MS4A1: variants seen among roughly 807,000 people sequenced by gnomAD.
MS4A1 encodes B-lymphocyte antigen CD20.
Under a neutral mutation model 26.5 loss-of-function variants are expected in MS4A1, and 16 were observed. That is an observed-to-expected ratio of 0.60 (90% CI 0.41 to 0.92). MS4A1 has a LOEUF of 0.92. Ranked by LOEUF, MS4A1 falls within the 40% of genes least tolerant of loss-of-function variation. The pLI is 0.00. For synonymous variants in MS4A1, 128 were observed against 117.6 expected, an observed-to-expected ratio of 1.09 and a Z score of -0.57; for missense variants, 350 against 353.0, an observed-to-expected ratio of 0.99 and a Z score of 0.07.
chr11:60,465,792 G>C (rs763092430), intron 5 of MS4A1, 129 bp from the exon 6 acceptor site: 1 of 727,010 alleles, frequency 1.4e-6, no homozygotes. Flanking sequence ...AAAAACAACT[G>C]AGAGAACTTC....
intron 7 of MS4A1, among the ~76,000 whole-genome samples, chr11:60,467,683 G>GCTAA (rs1555016735): frequency 6.6e-6 from 1 of 150,976 alleles, no homozygotes; most frequent in African/African-American, 2.4e-5. Context: ...AAGGTTGAAG[G>GCTAA]CTAAGTCACT....
intron 1 of MS4A1, among the ~76,000 whole-genome samples, chr11:60,460,837 A>G (rs2086241884): frequency 1.3e-5 from 2 of 151,470 alleles, no homozygotes; most frequent in African/African-American, 4.8e-5. Flanking sequence ...CATTTACTAC[A>G]CTCTCCCTTT....
intron 5 of MS4A1, among the ~76,000 whole-genome samples, chr11:60,465,278 A>G (rs1590846470): frequency 6.6e-6 from 1 of 152,350 alleles, no homozygotes; most frequent in Non-Finnish European, 1.5e-5. Flanking sequence ...AAGGTAGAAC[A>G]TTCACACTGA....
In MS4A1 at chr11:60,466,956, C is replaced by A. The variant is rs751162275; in HGVS notation, c.574-3C>A. 6.8e-6 allele frequency: 11 copies of A among 1,613,780 alleles called. No homozygotes were observed. The East Asian group carries it at 2.5e-4, about 36-fold the overall frequency. On this transcript the variant is annotated splice_region_variant and splice_polypyrimidine_tract_variant and intron_variant, in intron 6 of 7. Coordinates refer to ENST00000345732, the MANE Select transcript of MS4A1 (RefSeq NM_152866.3). ...TCACCTTCATTCTTCTGTTGTTTTT[C>A]AGGGCATTTTGTCAGTGATGCTGAT... is the stretch of plus-strand genomic sequence containing the variant.
chr11:60,460,753 G>A (rs1313677893), intron 1 of MS4A1, among the ~76,000 whole-genome samples: 2 of 151,998 alleles, frequency 1.3e-5, no homozygotes, highest in African/African-American at 4.8e-5. Context: ...ATCTTAAAAT[G>A]TCTGAGCTGG....
intron 1 of MS4A1, among the ~76,000 whole-genome samples, chr11:60,457,193 G>A (rs1008945173): frequency 6.6e-6 from 1 of 152,166 alleles, no homozygotes; most frequent in Non-Finnish European, 1.5e-5. Flanking sequence ...AAAGTAAAGA[G>A]GGAGGGAGAA....
Position 60,463,109 on chromosome 11 carries a change from G to T in MS4A1, c.267G>T (p.Trp89Cys). The T allele has an allele frequency of 1.2e-6, 2 of 1,614,160 alleles. No homozygotes were observed. The highest frequency in any genetic ancestry group is 8.5e-7 in the Non-Finnish European group (1 of 1,180,010). ...PICVTVWYPL[W>C]GGIMYIISGS... is the part of the protein sequence containing the mutation. The stretch of plus-strand genomic sequence containing the variant: ...GTGTGACTGTGTGGTACCCTCTCTG[G>T]GGAGGCATTATGGTGAGTAAAAGAA... Residue 89 changes from tryptophan (W) to cysteine (C), a missense_variant, in exon 4 of 8, where the codon TGG (tryptophan) becomes TGT (cysteine). Transcript: ENST00000345732.
intron 1 of MS4A1, among the ~76,000 whole-genome samples, chr11:60,456,631 G>A (rs1370057266): frequency 1.3e-5 from 2 of 152,118 alleles, no homozygotes; most frequent in Admixed American, 1.3e-4. Context: ...TCTAATGAAG[G>A]AAAACAAGGA....
Sources: allele counts gnomAD v4.1 joint callset (sites outside exome capture counted in the v4.1 genomes callset), GRCh38; gene constraint gnomAD v4.1.1; transcripts MANE v1.5; gene names NCBI Gene and HGNC (gene_info 2026-07-23, HGNC 2026-07-21).